The following SPSB1 variants were observed in gnomAD, a reference collection of about 807,000 sequenced individuals.
SPSB1 encodes SPRY domain-containing SOCS box protein 1.
Under a neutral mutation model 21.2 loss-of-function variants are expected in SPSB1, and 8 were observed. That is an observed-to-expected ratio of 0.38 (90% CI 0.22 to 0.68). The LOEUF (loss-of-function observed/expected upper bound fraction) is 0.68. Ranked by LOEUF, SPSB1 falls within the 30% of genes least tolerant of loss-of-function variation. The pLI, the probability that SPSB1 is intolerant of heterozygous loss-of-function variation, is 0.53. For synonymous variants in SPSB1, 169 were observed against 161.7 expected (o/e 1.05, Z -0.34); for missense variants, 242 against 377.8 (o/e 0.64, Z 2.98).
Position 9,366,599 on chromosome 1 carries a change from G to A in SPSB1, c.695-849G>A, listed in dbSNP as rs373377237. On this transcript the variant is annotated intron_variant, in intron 2 of 2. Transcript: ENST00000328089. ...GTTCTTTTTTTTTTTTTTTTGGACC[G>A]AGTCTTGCTCTGTCGCCCAGCTAGA... Among the ~76,000 whole-genome samples the A allele has an allele frequency of 2.3e-3, 321 of 140,178 alleles. 1 individual carries two copies. The highest frequency in any genetic ancestry group is 7.0e-3 in the African/African-American group (251 of 35,888). 92.0% of individuals were successfully genotyped at this position (140,178 alleles called of 152,430 possible). A position where few individuals can be genotyped will look rare whatever the true frequency, so the allele number is the denominator to read the frequency against.
rs1218535160 is a variant in SPSB1 at position 9,367,015 on chromosome 1, G to T, written c.695-433G>T. On this transcript the variant is annotated intron_variant, in intron 2 of 2. Transcript: ENST00000328089. The surrounding 1 kb of genome is among the most constrained non-coding windows in gnomAD (Gnocchi z 5.9). ...GTGTTCCGACCGACAGGCCCCAATG[G>T]CAGCTGCTTGCCTGGACAGGCAGAG... 1.3e-5 allele frequency among the ~76,000 whole-genome samples: 2 copies of T among 152,226 alleles called. No homozygotes were observed. Among genetic ancestry groups the T allele is most frequent in the African/African-American group, 4.8e-5 (2 of 41,466 alleles).
intron 1 of SPSB1, among the ~76,000 whole-genome samples, chr1:9,326,210 C>T (rs1639813328): frequency 6.6e-6 from 1 of 152,058 alleles, no homozygotes; most frequent in African/African-American, 2.4e-5. Flanking sequence ...AAGACTTCTT[C>T]AATAACAAAG....
intron 1 of SPSB1, among the ~76,000 whole-genome samples, chr1:9,343,146 G>T (rs145499213): frequency 1.3e-5 from 2 of 152,094 alleles, no homozygotes; most frequent in Non-Finnish European, 2.9e-5. Context: ...GAGTACATTC[G>T]CAATATAGTA....
At chr1:9,339,131 A>G in intron 1 of SPSB1, 3 of 814,618 alleles carry the variant, frequency 3.7e-6, no homozygotes, top group South Asian at 5.6e-5. Flanking sequence ...TGGGGACCCT[A>G]CTGCGGGGGC....
intron 1 of SPSB1, among the ~76,000 whole-genome samples, chr1:9,329,392 A>C (rs2100490911): frequency 6.6e-6 from 1 of 152,028 alleles, no homozygotes; most frequent in African/African-American, 2.4e-5. Context: ...AGGTCAGGGG[A>C]GGTGACACCC....
chr1:9,364,314 C>G (rs1481817445), intron 2 of SPSB1, among the ~76,000 whole-genome samples: 1 of 152,262 alleles, frequency 6.6e-6, no homozygotes, highest in East Asian at 1.9e-4. Flanking sequence ...GTGCAGAAGA[C>G]CTACTCCCGA....
chr1:9,328,600 G>T (rs1557454433), intron 1 of SPSB1, among the ~76,000 whole-genome samples: 1 of 152,250 alleles, frequency 6.6e-6, no homozygotes, highest in African/African-American at 2.4e-5. Flanking sequence ...CCCAGAGGCT[G>T]ATGAGTGTGT....
At chr1:9,301,231 T>TG (rs1639323189) in intron 1 of SPSB1, among the ~76,000 whole-genome samples, 1 of 152,218 alleles carries the variant, frequency 6.6e-6, no homozygotes, top group African/African-American at 2.4e-5. Context: ...GGCTCACACC[T>TG]GTAATCCCAG....
chr1:9,343,434 G>A (rs1640120884), intron 1 of SPSB1, among the ~76,000 whole-genome samples: 1 of 152,208 alleles, frequency 6.6e-6, no homozygotes, highest in African/African-American at 2.4e-5. Flanking sequence ...TCATGCACTA[G>A]TACTTTATGC....
chr1:9,319,613 C>T (rs1639676224), intron 1 of SPSB1, among the ~76,000 whole-genome samples: 1 of 152,132 alleles, frequency 6.6e-6, no homozygotes, highest in Admixed American at 6.5e-5. Flanking sequence ...CTCACGGTGG[C>T]TGATGTTCCG....
chr1:9,340,596 C>T (rs28525009), intron 1 of SPSB1, among the ~76,000 whole-genome samples: 8 of 152,186 alleles, frequency 5.3e-5, no homozygotes, highest in Admixed American at 2.0e-4. Flanking sequence ...CCACGCCTGG[C>T]GGGAAGATGG....
At chr1:9,318,257 C>T (rs376196553) in intron 1 of SPSB1, among the ~76,000 whole-genome samples, 15 of 152,224 alleles carry the variant, frequency 9.9e-5, no homozygotes, top group African/African-American at 3.4e-4. Flanking sequence ...AGAACAGTGA[C>T]GGGTCCTCCG....
At chr1:9,351,903 G>C (rs1261137159) in intron 1 of SPSB1, among the ~76,000 whole-genome samples, 1 of 152,196 alleles carries the variant, frequency 6.6e-6, no homozygotes, top group Non-Finnish European at 1.5e-5. Flanking sequence ...TCCCTGGCTA[G>C]GCCCTGGGGT....
intron 1 of SPSB1, among the ~76,000 whole-genome samples, chr1:9,325,063 T>C (rs752885896): frequency 6.6e-6 from 1 of 152,178 alleles, no homozygotes; most frequent in African/African-American, 2.4e-5. Context: ...GTGGATGCAG[T>C]GGCTGCACTC....
chr1:9,300,811 C>T (rs970529925), intron 1 of SPSB1, among the ~76,000 whole-genome samples: 4 of 151,780 alleles, frequency 2.6e-5, no homozygotes, highest in African/African-American at 4.8e-5. Context: ...GCCCATGGTT[C>T]TTACTTTGCC....
chr1:9,292,905 G>A lies in SPSB1; in HGVS notation c.-316G>A. ...GCTTTTTCTCCTCCGCACAGAAGTC[G>A]CGCTCGGGCAGCCTGCGCGCTCGCA... On this transcript the variant is annotated 5_prime_UTR_variant, in exon 1 of 3. Coordinates refer to ENST00000328089, the MANE Select transcript of SPSB1 (RefSeq NM_025106.4). 5 of 983,548 alleles carry A rather than the reference G, an allele frequency of 5.1e-6. No homozygotes were observed. The highest frequency in any genetic ancestry group is 6.0e-6 in the Non-Finnish European group (5 of 829,342). The allele number at this position is 983,548 out of a possible 1,614,324, so 60.9% of individuals were successfully genotyped here.
At chr1:9,354,077 G>A (rs1326803607) in intron 1 of SPSB1, among the ~76,000 whole-genome samples, 1 of 152,180 alleles carries the variant, frequency 6.6e-6, no homozygotes, top group Non-Finnish European at 1.5e-5. Flanking sequence ...CCGGGAACAG[G>A]GTCTCGTGGG....
rs909548996 is a variant in SPSB1, at chr1:9,367,699, T to C, written c.*124T>C. The C allele has an allele frequency of 2.0e-5, 28 of 1,386,272 alleles. No individual in the cohort carries two copies. Among genetic ancestry groups the C allele is most frequent in the Non-Finnish European group, 2.7e-5 (28 of 1,047,988 alleles). The allele number at this position is 1,386,272 out of a possible 1,614,324, so 85.9% of individuals were successfully genotyped here. On this transcript the variant is annotated 3_prime_UTR_variant, in exon 3 of 3. Transcript: ENST00000328089. The surrounding 1 kb of genome is among the most constrained non-coding windows in gnomAD (Gnocchi z 5.9). ...CGTAGCCATGGACAGAGGTCCCTGG[T>C]CTTCCCTCATCCTCCGTGGCTGCCT...
chr1:9,295,515 C>G (rs534120716), intron 1 of SPSB1, among the ~76,000 whole-genome samples: 3 of 152,254 alleles, frequency 2.0e-5, no homozygotes, highest in Non-Finnish European at 4.4e-5. Context: ...CTGGGTGAGG[C>G]CGTTTCTTGG....
Sources: gnomAD v4.1 joint callset for allele counts (sites outside exome capture counted in the v4.1 genomes callset) on GRCh38, gnomAD v4.1.1 for gene constraint, Gnocchi (gnomAD v3.1) non-coding constraint, MANE v1.5 for transcripts, NCBI Gene and HGNC (gene_info 2026-07-23, HGNC 2026-07-21) for gene names.